ADIPOQ: variants seen among roughly 807,000 people sequenced by gnomAD.
ADIPOQ encodes adiponectin, C1Q and collagen domain containing.
A neutral mutation model predicts 16.1 loss-of-function variants in ADIPOQ; 19 were observed. That is an observed-to-expected ratio of 1.18 (90% CI 0.82 to 1.73). ADIPOQ has a LOEUF of 1.73. Among genes scored for constraint, ADIPOQ ranks in the 40% most tolerant of loss-of-function variants. The pLI, the probability that ADIPOQ is intolerant of heterozygous loss-of-function variation, is 0.00. For synonymous variants in ADIPOQ, 124 were observed against 125.5 expected (o/e 0.99, Z 0.08); for missense variants, 323 against 308.3 (o/e 1.05, Z -0.36).
chr3:186,854,372 A>G lies in ADIPOQ; in HGVS notation c.403A>G (p.Ile135Val), dbSNP rs1560109975. The change falls in exon 3 of 3, where the codon ATC (isoleucine) becomes GTC (valine). Residue 135 changes from isoleucine to valine, a missense_variant. Transcript: ENST00000320741. ...IPNMPIRFTK[I>V]FYNQQNHYDG... ...CAACATGCCCATTCGCTTTACCAAGATCTTCTACAATCAGCAAAACCACTA... is the reference window on the plus strand; with the variant it reads ...CAACATGCCCATTCGCTTTACCAAGGTCTTCTACAATCAGCAAAACCACTA... 1.2e-6 allele frequency: 2 copies of G among 1,614,178 alleles called. No homozygotes were observed. The highest frequency in any genetic ancestry group is 3.3e-5 in the Admixed American group (2 of 60,024).
chr3:186,846,930 A>G (rs1560106794), intron 1 of ADIPOQ, among the ~76,000 whole-genome samples: 1 of 152,166 alleles, frequency 6.6e-6, no homozygotes, highest in Non-Finnish European at 1.5e-5. Context: ...ATGTGTGACC[A>G]CGATACTTTT....
chr3:186,852,486 T>G (rs1711809944), intron 1 of ADIPOQ: 1 of 155,810 alleles, frequency 6.4e-6, no homozygotes. Flanking sequence ...CTGTGTGTGT[T>G]TGTGTGTGTG....
At chr3:186,852,525 G>A (rs1711811596) in intron 1 of ADIPOQ, 1 of 163,882 alleles carries the variant, frequency 6.1e-6, no homozygotes, top group African/African-American at 2.4e-5. Flanking sequence ...ATACCCAATA[G>A]TCAAACATGT....
At position 186,856,528 on chromosome 3, in the gene ADIPOQ, T is replaced by A. The variant is rs1259848768; in HGVS notation, c.*1824T>A. ...GTGCAGTGGCATGATCTCGGCTTACTGCAACCTTTGCCTCCCAGGTTCAAG... is the reference window on the plus strand; with the variant it reads ...GTGCAGTGGCATGATCTCGGCTTACAGCAACCTTTGCCTCCCAGGTTCAAG... On this transcript the variant is annotated 3_prime_UTR_variant, in exon 3 of 3. Coordinates refer to ENST00000320741, the MANE Select transcript of ADIPOQ (RefSeq NM_004797.4). 1 of 152,168 alleles carries A rather than the reference T, an allele frequency of 6.6e-6. No homozygotes were observed. Among genetic ancestry groups the A allele is most frequent in the African/African-American group, 2.4e-5 (1 of 41,416 alleles). 9.4% of individuals were successfully genotyped at this position (152,168 alleles called of 1,614,324 possible). A position where few individuals can be genotyped will look rare whatever the true frequency, so the allele number is the denominator to read the frequency against.
chr3:186,849,209 T>C (rs1441665757), intron 1 of ADIPOQ, among the ~76,000 whole-genome samples: 1 of 152,194 alleles, frequency 6.6e-6, no homozygotes, highest in African/African-American at 2.4e-5. Flanking sequence ...GATTCTCTCC[T>C]CCTGTTTCCC....
intron 1 of ADIPOQ, among the ~76,000 whole-genome samples, chr3:186,850,271 CAAAAAAAAAAA>C (rs71634014): frequency 3.4e-5 from 3 of 88,742 alleles, no homozygotes; most frequent in Non-Finnish European, 6.6e-5. Flanking sequence ...TCCTCTCTCT[CAAAAAAAAAAA>C]AAAAAAAAAG....
At position 186,853,031 on chromosome 3, in the gene ADIPOQ, A is replaced by C; in HGVS notation, c.-8-20A>C. On this transcript the variant is annotated intron_variant, in intron 1 of 2. Transcript: ENST00000320741. ...TGGGGTCTGTCTCTCCATGGCTGAC[A>C]GTGCACATGTGGATTCCAGGGCTCA... 2.8e-5 allele frequency: 44 copies of C among 1,587,706 alleles called. No individual in the cohort carries two copies. Among genetic ancestry groups the C allele is most frequent in the Non-Finnish European group, 3.5e-5 (40 of 1,156,380 alleles).
At chr3:186,847,528 C>G (rs1711609821) in intron 1 of ADIPOQ, among the ~76,000 whole-genome samples, 1 of 152,114 alleles carries the variant, frequency 6.6e-6, no homozygotes, top group Non-Finnish European at 1.5e-5. Flanking sequence ...TCTGCCTGGA[C>G]TTTTTATTGC....
intron 1 of ADIPOQ, chr3:186,852,129 G>T (rs1204852017): frequency 6.6e-6 from 1 of 152,362 alleles, no homozygotes; most frequent in Non-Finnish European, 1.5e-5. Context: ...CAAGGGATAA[G>T]TCTGCCTCCA....
intron 1 of ADIPOQ, among the ~76,000 whole-genome samples, chr3:186,843,302 A>G (rs1378248385): frequency 1.3e-4 from 20 of 152,190 alleles, no homozygotes; most frequent in Admixed American, 1.3e-3. Flanking sequence ...TGAGTGTGAC[A>G]TGGTTGTTGT....
chr3:186,848,229 AGAAGGAAGGAAGGAAGGAAAGAAGGAAG>A (rs1711633688), intron 1 of ADIPOQ, among the ~76,000 whole-genome samples: 1 of 132,434 alleles, frequency 7.6e-6, no homozygotes, highest in Non-Finnish European at 1.6e-5. Context: ...AAGGAAGGAA[AGAAGGAAGGAAGGAAGGAAAGAAGGAAG>A]GAAGGAAGGA....
intron 2 of ADIPOQ, among the ~76,000 whole-genome samples, 182 bp downstream of exon 2, chr3:186,853,454 A>G (rs2108491596): frequency 6.6e-6 from 1 of 152,010 alleles, no homozygotes; most frequent in East Asian, 1.9e-4. Context: ...TGGTGCCTCT[A>G]TAACCAAGAC....
intron 1 of ADIPOQ, among the ~76,000 whole-genome samples, chr3:186,850,467 A>G (rs888769251): frequency 1.3e-5 from 2 of 152,132 alleles, no homozygotes; most frequent in Non-Finnish European, 2.9e-5. Flanking sequence ...GGGGATATGT[A>G]TCAGGAGACT....
intron 1 of ADIPOQ, chr3:186,852,846 A>G: frequency 1.7e-6 from 1 of 589,424 alleles, no homozygotes; most frequent in Non-Finnish European, 3.0e-6. Flanking sequence ...ACAGGGAATA[A>G]TGCTAAGTAT....
chr3:186,842,884 G>A (rs1213915276), intron 1 of ADIPOQ, 135 bp downstream of exon 1: 2 of 152,390 alleles, frequency 1.3e-5, no homozygotes, highest in African/African-American at 4.8e-5. Context: ...AGCAGCACTG[G>A]TGGAGGCAGA....
At chr3:186,852,890 G>A (rs1018755353) in intron 1 of ADIPOQ, 161 bp from the exon 2 acceptor site, 1 of 673,208 alleles carries the variant, frequency 1.5e-6, no homozygotes, top group Non-Finnish European at 2.6e-6. Flanking sequence ...ATCAAGGTGG[G>A]CTGCAATATT....
Position 186,854,222 on chromosome 3 carries a change from G to A in ADIPOQ, c.253G>A (p.Val85Ile), listed in dbSNP as rs376862518. ...TAAGGGAGACATCGGTGAAACCGGA[G>A]TACCCGGGGCTGAAGGTCCCCGAGG... ...GPKGDIGETG[V>I]PGAEGPRGFP... The change falls in exon 3 of 3, where the codon GTA becomes ATA. Residue 85 changes from valine to isoleucine, a missense_variant. By Grantham distance (29) the Val-to-Ile change is conservative. Transcript: ENST00000320741. 3.7e-6 allele frequency: 6 copies of A among 1,613,448 alleles called. No homozygotes were observed. Among genetic ancestry groups the A allele is most frequent in the Admixed American group, 1.7e-5 (1 of 59,966 alleles).
At chr3:186,853,625 G>A (rs945539242) in intron 2 of ADIPOQ, among the ~76,000 whole-genome samples, 1 of 152,132 alleles carries the variant, frequency 6.6e-6, no homozygotes, top group African/African-American at 2.4e-5. Flanking sequence ...CCCCTGAAAG[G>A]CTCAGTCCTG....
rs201986278 is a variant in ADIPOQ at position 186,857,799 on chromosome 3, C to G, written c.*3095C>G. 9 of 152,186 alleles carry G rather than the reference C, an allele frequency of 5.9e-5. No individual in the cohort carries two copies. Among genetic ancestry groups the G allele is most frequent in the African/African-American group, 2.2e-4 (9 of 41,530 alleles). The allele number at this position is 152,186 out of a possible 1,614,324, so 9.4% of individuals were successfully genotyped here. A position where few individuals can be genotyped will look rare whatever the true frequency, so the allele number is the denominator to read the frequency against. The stretch of plus-strand genomic sequence containing the variant: ...ATTATGTCTTATTGGTGCATTTACT[C>G]TCTTATCATTATGTAATGTCCTTCT... On this transcript the variant is annotated 3_prime_UTR_variant, in exon 3 of 3. Coordinates refer to ENST00000320741, the MANE Select transcript of ADIPOQ (RefSeq NM_004797.4).
Sources: allele counts gnomAD v4.1 joint callset (sites outside exome capture counted in the v4.1 genomes callset), GRCh38; gene constraint gnomAD v4.1.1; transcripts MANE v1.5; gene names NCBI Gene and HGNC (gene_info 2026-07-23, HGNC 2026-07-21).